Variants in JARID2 observed in about 807,000 individuals in gnomAD.
JARID2 encodes protein Jumonji.
A neutral mutation model predicts 125.6 loss-of-function variants in JARID2; 21 were observed. That is an observed-to-expected ratio of 0.17 (90% confidence interval 0.12 to 0.24). The LOEUF (loss-of-function observed/expected upper bound fraction) is 0.24, where lower values mean the gene tolerates loss of function less well. Ranked by LOEUF, JARID2 falls within the 10% of genes least tolerant of loss-of-function variation. The probability of loss-of-function intolerance (pLI) is 1.00; values close to 1 mark genes in which losing one functional copy is unlikely to be tolerated. For missense variants in JARID2, 1,303 were observed against 1,639.6 expected (o/e 0.79, Z 3.55); for synonymous variants, 736 against 661.6 (o/e 1.11, Z -1.73).
chr6:15,467,450 G>A (rs1768793697), intron 4 of JARID2, among the ~76,000 whole-genome samples: 1 of 151,428 alleles, frequency 6.6e-6, no homozygotes, highest in South Asian at 2.1e-4. Context: ...AGAAGCCTCT[G>A]GTTCCAAACA....
At chr6:15,321,541 C>G (rs1042086158) in intron 1 of JARID2, among the ~76,000 whole-genome samples, 7 of 152,142 alleles carry the variant, frequency 4.6e-5, no homozygotes, top group Admixed American at 1.3e-4. Flanking sequence ...ATCAAGATCT[C>G]TATTCAGAAC....
chr6:15,341,839 G>T (rs1763080191), intron 1 of JARID2, among the ~76,000 whole-genome samples: 2 of 152,190 alleles, frequency 1.3e-5, no homozygotes, highest in Admixed American at 6.5e-5. Context: ...ATGGGAGGGT[G>T]TGTGATACTG....
At chr6:15,295,403 G>T (rs929333481) in intron 1 of JARID2, among the ~76,000 whole-genome samples, 1 of 152,132 alleles carries the variant, frequency 6.6e-6, no homozygotes, top group Admixed American at 6.5e-5. Flanking sequence ...TTACAGACGT[G>T]AGCCACTGCT....
At chr6:15,269,568 T>A (rs371952574) in intron 1 of JARID2, among the ~76,000 whole-genome samples, 78 of 145,196 alleles carry the variant, frequency 5.4e-4, no homozygotes, top group African/African-American at 1.5e-3. Flanking sequence ...ATGGCTATTT[T>A]AAAATTTTTT....
At chr6:15,258,885 G>A (rs11966818) in intron 1 of JARID2, among the ~76,000 whole-genome samples, 22,655 of 152,230 alleles carry the variant, frequency 0.15, 2,391 homozygotes, top group African/African-American at 0.3. Context: ...CAAGATTGAA[G>A]AGGAAACTGT....
At chr6:15,360,056 G>A (rs1349259957) in intron 1 of JARID2, among the ~76,000 whole-genome samples, 1 of 152,136 alleles carries the variant, frequency 6.6e-6, no homozygotes, top group Non-Finnish European at 1.5e-5. Context: ...ATGAGTTAGG[G>A]CTTGTGATGT....
intron 1 of JARID2, among the ~76,000 whole-genome samples, chr6:15,323,593 C>T (rs550862115): frequency 6.6e-6 from 1 of 152,208 alleles, no homozygotes; most frequent in African/African-American, 2.4e-5. Flanking sequence ...TTAGGGGACA[C>T]AAGGCAACCT....
At chr6:15,389,554 G>T (rs1764922190) in intron 2 of JARID2, among the ~76,000 whole-genome samples, 1 of 152,230 alleles carries the variant, frequency 6.6e-6, no homozygotes, top group Admixed American at 6.5e-5. Flanking sequence ...TACCCTCCAT[G>T]AGATGACTTT....
rs778974432 is a variant in JARID2 at position 15,496,802 on chromosome 6, C to G, written c.1577C>G (p.Ser526Cys). Residue 526 changes from serine to cysteine, a missense_variant, in exon 7 of 18, where the codon TCT becomes TGT. Transcript: ENST00000341776. ...GACAGCGCCTCCTGTGAAAATCGTTCTACCTCGCAACCGGAGTCCGTGCAC... is the reference window on the plus strand; with the variant it reads ...GACAGCGCCTCCTGTGAAAATCGTTGTACCTCGCAACCGGAGTCCGTGCAC... The part of the protein sequence containing the change: ...KADSASCENR[S>C]TSQPESVHKP... 1.4e-4 allele frequency: 224 copies of G among 1,608,718 alleles called. No individual in the cohort carries two copies. The highest frequency in any genetic ancestry group is 1.8e-4 in the Non-Finnish European group (210 of 1,177,184).
At chr6:15,302,900 A>G (rs1436260000) in intron 1 of JARID2, among the ~76,000 whole-genome samples, 1 of 151,842 alleles carries the variant, frequency 6.6e-6, no homozygotes, top group Non-Finnish European at 1.5e-5. Flanking sequence ...ATGCCCAGCT[A>G]ATTTTTGTAT....
chr6:15,418,037 G>A (rs1171817206), intron 3 of JARID2, among the ~76,000 whole-genome samples: 1 of 152,140 alleles, frequency 6.6e-6, no homozygotes, highest in East Asian at 1.9e-4. Flanking sequence ...TGTGGTGTAT[G>A]TTGTAAATTT....
intron 1 of JARID2, among the ~76,000 whole-genome samples, chr6:15,342,581 A>T (rs1299089787): frequency 6.6e-6 from 1 of 152,204 alleles, no homozygotes; most frequent in Admixed American, 6.5e-5. Context: ...GTGCACCTTC[A>T]TAATTAACTC....
chr6:15,248,995 G>A (rs1759323096), intron 1 of JARID2: 3 of 980,160 alleles, frequency 3.1e-6, no homozygotes, highest in South Asian at 4.7e-5. Flanking sequence ...GGTCCCCAAA[G>A]GAGTGCCACT....
intron 4 of JARID2, among the ~76,000 whole-genome samples, chr6:15,465,261 T>A (rs960424513): frequency 6.6e-6 from 1 of 152,120 alleles, no homozygotes; most frequent in South Asian, 2.1e-4. Context: ...GAGACAAGCC[T>A]CGGCAATGTA....
chr6:15,418,312 G>A (rs59876079), intron 3 of JARID2, among the ~76,000 whole-genome samples: 29 of 146,604 alleles, frequency 2.0e-4, no homozygotes, highest in African/African-American at 6.4e-4. Flanking sequence ...CCGCCCTCCC[G>A]AGTTCAAGCC....
chr6:15,392,206 T>C (rs987343036), intron 2 of JARID2, among the ~76,000 whole-genome samples: 1 of 152,178 alleles, frequency 6.6e-6, no homozygotes, highest in South Asian at 2.1e-4. Flanking sequence ...CCTAAAACCA[T>C]TTCTAATAAA....
intron 3 of JARID2, among the ~76,000 whole-genome samples, chr6:15,434,771 AGT>A (rs1581560034): frequency 6.6e-6 from 1 of 152,216 alleles, no homozygotes; most frequent in East Asian, 1.9e-4. Flanking sequence ...TCTATAGGAC[AGT>A]GTTTCTCAGC....
chr6:15,278,627 G>T (rs945181883), intron 1 of JARID2, among the ~76,000 whole-genome samples: 3 of 151,710 alleles, frequency 2.0e-5, no homozygotes, highest in African/African-American at 7.2e-5. Flanking sequence ...CTCTGTAATA[G>T]TGTAGCTGGC....
intron 5 of JARID2, among the ~76,000 whole-genome samples, chr6:15,486,805 A>ATTTTTTTTTT (rs766075740): frequency 1.7e-4 from 7 of 40,632 alleles, no homozygotes; most frequent in Non-Finnish European, 2.6e-4. Flanking sequence ...CTGAGAATAG[A>ATTTTTTTTTT]CTTTTTTTTT....
Sources: gnomAD v4.1 joint callset for allele counts (sites outside exome capture counted in the v4.1 genomes callset) on GRCh38, gnomAD v4.1.1 for gene constraint, MANE v1.5 for transcripts, NCBI Gene and HGNC (gene_info 2026-07-23, HGNC 2026-07-21) for gene names.